PLD1: variants seen among roughly 807,000 people sequenced by gnomAD.
PLD1 encodes the protein choline phosphatase 1.
Under a neutral mutation model 137.1 loss-of-function variants are expected in PLD1, and 112 were observed. That is an observed-to-expected ratio of 0.82 (90% CI 0.70 to 0.96). PLD1 has a LOEUF of 0.96. Ranked by LOEUF, PLD1 falls within the 40% of genes least tolerant of loss-of-function variation. The pLI is 0.00. For missense variants in PLD1, 1,321 were observed against 1,342.0 expected, an observed-to-expected ratio of 0.98 and a Z score of 0.24; for synonymous variants, 431 against 454.7, an observed-to-expected ratio of 0.95 and a Z score of 0.66.
intron 16 of PLD1, among the ~76,000 whole-genome samples, chr3:171,682,745 G>T (rs1714140806): frequency 6.6e-6 from 1 of 152,112 alleles, no homozygotes; most frequent in Non-Finnish European, 1.5e-5. Flanking sequence ...GGTTGAAGAG[G>T]TACCAATAGC....
intron 1 of PLD1, among the ~76,000 whole-genome samples, chr3:171,800,400 G>A (rs755082545): frequency 5.9e-5 from 9 of 152,060 alleles, no homozygotes; most frequent in South Asian, 4.2e-4. Flanking sequence ...GTAGAGATGC[G>A]GTTTCACCAT....
intron 23 of PLD1, among the ~76,000 whole-genome samples, chr3:171,634,689 A>G (rs1176155396): frequency 1.3e-5 from 2 of 152,332 alleles, no homozygotes; most frequent in East Asian, 3.9e-4. Flanking sequence ...ATATACATGT[A>G]CTAAAAACTT....
intron 23 of PLD1, among the ~76,000 whole-genome samples, chr3:171,620,776 TA>T (rs1438924942): frequency 7.5e-6 from 1 of 133,428 alleles, no homozygotes; most frequent in African/African-American, 3.3e-5. Flanking sequence ...ATATTATATA[TA>T]TTTTTTTTTT....
chr3:171,736,426 TTATCTTTC>T, intron 3 of PLD1, among the ~76,000 whole-genome samples: 1 of 152,270 alleles, frequency 6.6e-6, no homozygotes, highest in South Asian at 2.1e-4. Flanking sequence ...CCACATGTTA[TTATCTTTC>T]AATCTAAATG....
chr3:171,639,602 T>TATAATATATATTATATG (rs1735512040), intron 23 of PLD1, among the ~76,000 whole-genome samples: 9 of 86,316 alleles, frequency 1.0e-4, no homozygotes, highest in African/African-American at 5.5e-4. Context: ...TATATTCATA[T>TATAATATATATTATATG]AATATATATT....
intron 1 of PLD1, among the ~76,000 whole-genome samples, chr3:171,795,699 A>G (rs1362319538): frequency 1.3e-5 from 2 of 152,190 alleles, no homozygotes; most frequent in Admixed American, 6.5e-5. Flanking sequence ...ACATACTCTT[A>G]CCCATTTCTT....
chr3:171,630,380 A>T (rs1452075348), intron 23 of PLD1, among the ~76,000 whole-genome samples: 1 of 140,486 alleles, frequency 7.1e-6, no homozygotes, highest in Non-Finnish European at 1.5e-5. Flanking sequence ...GCTGGAGAGG[A>T]TGTGGAGAAA....
intron 12 of PLD1, among the ~76,000 whole-genome samples, chr3:171,696,563 A>C (rs1208255284): frequency 1.3e-5 from 2 of 152,232 alleles, no homozygotes; most frequent in Non-Finnish European, 2.9e-5. Context: ...CATTTTAATA[A>C]ACCTTGTGGA....
At chr3:171,629,138 T>C (rs1358439809) in intron 23 of PLD1, among the ~76,000 whole-genome samples, 1 of 151,168 alleles carries the variant, frequency 6.6e-6, no homozygotes, top group African/African-American at 2.4e-5. Flanking sequence ...AAAATCTCCT[T>C]AAGCTGATAA....
chr3:171,620,383 T>C lies in PLD1; in HGVS notation c.2728+3A>G. 1 of 1,588,012 alleles carries C rather than the reference T, an allele frequency of 6.3e-7. No homozygotes were observed. Among genetic ancestry groups the C allele is most frequent in the Non-Finnish European group, 8.6e-7 (1 of 1,161,440 alleles). Reference sequence around the variant, plus strand: ...ACAATTATAGACCATATACTGTACTTACCAATAATAACAGTGTTATCATCA... The same window carrying C: ...ACAATTATAGACCATATACTGTACTCACCAATAATAACAGTGTTATCATCA... On this transcript the variant is annotated splice_donor_region_variant and intron_variant, in intron 24 of 26. Coordinates refer to ENST00000351298, the MANE Select transcript of PLD1 (RefSeq NM_002662.5).
chr3:171,744,659 T>G (rs1720020397), intron 1 of PLD1, among the ~76,000 whole-genome samples: 1 of 152,244 alleles, frequency 6.6e-6, no homozygotes, highest in Non-Finnish European at 1.5e-5. Context: ...TTCTCTTTTT[T>G]TCCCCTAGCT....
chr3:171,622,983 G>C (rs956751470), intron 23 of PLD1, among the ~76,000 whole-genome samples: 4 of 151,886 alleles, frequency 2.6e-5, no homozygotes, highest in Admixed American at 2.0e-4. Context: ...AATGGTTCAC[G>C]TGCAAAACTT....
At chr3:171,652,845 A>T (rs1736905439) in intron 21 of PLD1, among the ~76,000 whole-genome samples, 1 of 141,490 alleles carries the variant, frequency 7.1e-6, no homozygotes, top group Non-Finnish European at 1.5e-5. Flanking sequence ...GAACTCCTGA[A>T]CTCAAGTGAT....
chr3:171,792,480 C>A (rs367844468), intron 1 of PLD1: 4 of 426,550 alleles, frequency 9.4e-6, no homozygotes, highest in South Asian at 1.7e-5. Context: ...AGTACCACAC[C>A]AGCTGATCTG....
chr3:171,733,833 T>C (rs940199848), intron 5 of PLD1, among the ~76,000 whole-genome samples: 1 of 152,214 alleles, frequency 6.6e-6, no homozygotes, highest in Non-Finnish European at 1.5e-5. Flanking sequence ...CATTTGTTGA[T>C]ATTACCAAAA....
intron 21 of PLD1, among the ~76,000 whole-genome samples, chr3:171,658,568 T>C (rs1360433818): frequency 6.6e-6 from 1 of 152,184 alleles, no homozygotes; most frequent in African/African-American, 2.4e-5. Context: ...CCATATTGTG[T>C]GACTCCATTT....
At chr3:171,801,050 A>G in intron 1 of PLD1, among the ~76,000 whole-genome samples, 1 of 152,232 alleles carries the variant, frequency 6.6e-6, no homozygotes, top group East Asian at 1.9e-4. Context: ...ATCAAGGAAA[A>G]TTGGAACATA....
intron 1 of PLD1, among the ~76,000 whole-genome samples, chr3:171,780,042 G>A (rs1251816871): frequency 6.6e-6 from 1 of 151,932 alleles, no homozygotes; most frequent in African/African-American, 2.4e-5. Flanking sequence ...ACATAAGTCT[G>A]AGATTCAGGA....
chr3:171,648,756 G>A (rs142402152), intron 21 of PLD1, among the ~76,000 whole-genome samples: 2,340 of 152,094 alleles, frequency 0.015, 46 homozygotes, highest in African/African-American at 0.048. Flanking sequence ...GGGTTTCACC[G>A]TGTTAGCCAG....
Sources: allele counts gnomAD v4.1 joint callset (sites outside exome capture counted in the v4.1 genomes callset), GRCh38; gene constraint gnomAD v4.1.1; transcripts MANE v1.5; gene names NCBI Gene and HGNC (gene_info 2026-07-23, HGNC 2026-07-21).